The following RAD23B variants were observed in gnomAD, a reference collection of about 807,000 sequenced individuals.
RAD23B encodes the protein lysine-specific demethylase RAD23B.
A neutral mutation model predicts 49.1 loss-of-function variants in RAD23B; 5 were observed. The ratio of observed to expected loss-of-function variants is 0.10; its 90% confidence interval spans 0.05 to 0.21. The LOEUF is 0.21. Ranked by LOEUF, RAD23B falls within the 10% of genes least tolerant of loss-of-function variation. RAD23B has a pLI of 1.00. For synonymous variants in RAD23B, 184 were observed against 165.4 expected, an observed-to-expected ratio of 1.11 and a Z score of -0.86; for missense variants, 356 against 486.7, an observed-to-expected ratio of 0.73 and a Z score of 2.53.
At chr9:107,295,982 T>G (rs11573652) in intron 1 of RAD23B, among the ~76,000 whole-genome samples, 10,407 of 152,234 alleles carry the variant, frequency 0.068, 424 homozygotes, top group African/African-American at 0.1. Context: ...GGACCAAGTC[T>G]TAAGGAGATT....
chr9:107,326,834 T>G (rs1384146388), intron 9 of RAD23B, among the ~76,000 whole-genome samples: 1 of 151,688 alleles, frequency 6.6e-6, no homozygotes, highest in Non-Finnish European at 1.5e-5. Context: ...GAGACGGGGT[T>G]TCAACATGTT....
chr9:107,316,297 A>G (rs1469130808), intron 5 of RAD23B, among the ~76,000 whole-genome samples: 1 of 152,090 alleles, frequency 6.6e-6, no homozygotes, highest in African/African-American at 2.4e-5. Context: ...GGCGTGAGCC[A>G]CCATACCTAG....
In RAD23B at chr9:107,323,950, A is replaced by G. The variant is rs769215825; in HGVS notation, c.878A>G (p.Gln293Arg). Residue 293 changes from glutamine (Q) to arginine (R), a missense_variant, in exon 8 of 10, where the codon CAG (glutamine) becomes CGG (arginine). Gln to Arg is a conservative substitution (Grantham distance 43, BLOSUM62 1). Transcript: ENST00000358015. Reference protein sequence around the residue: ...PQFQQMRQIIQQNPSLLPALL... With the variant: ...PQFQQMRQIIRQNPSLLPALL... ...TTTCAACAGATGAGACAAATTATTC[A>G]GCAGAATCCTTCCTTGCTTCCAGCG... 1 of 1,612,654 alleles carries G rather than the reference A, an allele frequency of 6.2e-7. No homozygotes were observed. Among genetic ancestry groups the G allele is most frequent in the Non-Finnish European group, 8.5e-7 (1 of 1,178,622 alleles).
chr9:107,316,054 G>C (rs2133089302), intron 5 of RAD23B, among the ~76,000 whole-genome samples: 2 of 151,604 alleles, frequency 1.3e-5, no homozygotes, highest in South Asian at 4.2e-4. Flanking sequence ...TCTGTCGCCA[G>C]ACTGGAGTGC....
At chr9:107,313,036 T>G (rs1267723475) in intron 5 of RAD23B, among the ~76,000 whole-genome samples, 1 of 152,188 alleles carries the variant, frequency 6.6e-6, no homozygotes, top group Non-Finnish European at 1.5e-5. Flanking sequence ...CTATGTTGAT[T>G]CCCTGCTTTT....
intron 1 of RAD23B, among the ~76,000 whole-genome samples, chr9:107,292,666 G>C (rs1002911929): frequency 9.4e-6 from 1 of 106,294 alleles, no homozygotes; most frequent in African/African-American, 3.8e-5. Flanking sequence ...GTGACAGAGC[G>C]AGACTCTGTC....
intron 5 of RAD23B, among the ~76,000 whole-genome samples, chr9:107,313,977 C>T (rs1425727595): frequency 6.6e-6 from 1 of 151,720 alleles, no homozygotes; most frequent in Admixed American, 6.6e-5. Flanking sequence ...CCTCATTCCA[C>T]AGTTACTAAT....
intron 1 of RAD23B, among the ~76,000 whole-genome samples, chr9:107,295,514 G>A (rs1031237442): frequency 5.3e-5 from 8 of 152,182 alleles, no homozygotes; most frequent in African/African-American, 1.9e-4. Flanking sequence ...ATGCAACAAA[G>A]TTAGACAAAG....
At chr9:107,313,342 C>T (rs962973363) in intron 5 of RAD23B, among the ~76,000 whole-genome samples, 5 of 152,272 alleles carry the variant, frequency 3.3e-5, no homozygotes, top group African/African-American at 1.2e-4. Flanking sequence ...TCTCCCGCCT[C>T]AGCCTCCTGA....
At chr9:107,296,388 A>G (rs975702467) in intron 1 of RAD23B, among the ~76,000 whole-genome samples, 1 of 152,194 alleles carries the variant, frequency 6.6e-6, no homozygotes, top group East Asian at 1.9e-4. Flanking sequence ...ATTCAAAACA[A>G]TCTTTCCAGT....
At chr9:107,313,283 T>C (rs1254545899) in intron 5 of RAD23B, among the ~76,000 whole-genome samples, 1 of 152,134 alleles carries the variant, frequency 6.6e-6, no homozygotes, top group East Asian at 1.9e-4. Context: ...TGGAGTGCAG[T>C]GGCATGATCT....
intron 4 of RAD23B, 27 bp downstream of exon 4, chr9:107,306,674 A>G (rs1366061930): frequency 7.6e-6 from 12 of 1,588,214 alleles, no homozygotes; most frequent in East Asian, 4.5e-5. Flanking sequence ...AGGACATTCT[A>G]TCTCAAAATC....
intron 9 of RAD23B, among the ~76,000 whole-genome samples, chr9:107,327,772 G>A (rs1298423003): frequency 6.6e-6 from 1 of 152,120 alleles, no homozygotes; most frequent in Non-Finnish European, 1.5e-5. Flanking sequence ...TTGTAGTCAA[G>A]TCTTCTTCCT....
chr9:107,285,804 A>G (rs2133059727), intron 1 of RAD23B, among the ~76,000 whole-genome samples: 1 of 152,334 alleles, frequency 6.6e-6, no homozygotes, highest in East Asian at 1.9e-4. Flanking sequence ...TTCCTCTGGG[A>G]TATATGGAAC....
intron 7 of RAD23B, 73 bp downstream of exon 7, chr9:107,322,191 C>T: frequency 6.9e-7 from 1 of 1,447,782 alleles, no homozygotes; most frequent in Non-Finnish European, 9.3e-7. Flanking sequence ...ACCTGAAATA[C>T]TTCAGAAATG....
intron 7 of RAD23B, among the ~76,000 whole-genome samples, chr9:107,322,391 G>A (rs986692230): frequency 2.6e-5 from 4 of 152,216 alleles, no homozygotes; most frequent in Non-Finnish European, 5.9e-5. Flanking sequence ...TTTCCAGTTT[G>A]TATTTAGTGT....
chr9:107,323,526 T>C (rs1167413394), intron 7 of RAD23B, among the ~76,000 whole-genome samples: 1 of 152,170 alleles, frequency 6.6e-6, no homozygotes, highest in Non-Finnish European at 1.5e-5. Flanking sequence ...TATATTTTTC[T>C]TAGGAACTTT....
At position 107,330,955 on chromosome 9, in the gene RAD23B, A is replaced by G. The variant is rs1307649483; in HGVS notation, c.*1299A>G. The G allele has an allele frequency of 6.6e-6, 1 of 152,606 alleles. No homozygotes were observed. Among genetic ancestry groups the G allele is most frequent in the Non-Finnish European group, 1.5e-5 (1 of 68,036 alleles). The allele number at this position is 152,606 out of a possible 1,614,324, so 9.5% of individuals were successfully genotyped here. A position where few individuals can be genotyped will look rare whatever the true frequency, so the allele number is the denominator to read the frequency against. ...TTTCTGTGGAATCTCCTTCATTGGC[A>G]TTGTTATTTAATCATAAACGGGGCA... On this transcript the variant is annotated 3_prime_UTR_variant, in exon 10 of 10. Coordinates refer to ENST00000358015, the MANE Select transcript of RAD23B (RefSeq NM_002874.5). The surrounding 1 kb of genome is among the most constrained non-coding windows in gnomAD (Gnocchi z 4.4).
At chr9:107,305,469 G>GAGGC (rs1165510104) in intron 3 of RAD23B, among the ~76,000 whole-genome samples, 1 of 152,128 alleles carries the variant, frequency 6.6e-6, no homozygotes, top group Non-Finnish European at 1.5e-5. Flanking sequence ...GGTAGAAGGA[G>GAGGC]AGGCAGGCAC....
Sources: allele counts gnomAD v4.1 joint callset (sites outside exome capture counted in the v4.1 genomes callset), GRCh38; gene constraint gnomAD v4.1.1; non-coding constraint Gnocchi (gnomAD v3.1); transcripts MANE v1.5; gene names NCBI Gene and HGNC (gene_info 2026-07-23, HGNC 2026-07-21).